The following RB1 variants were observed in gnomAD, a reference collection of about 807,000 sequenced individuals.
RB1 encodes RB transcriptional corepressor 1.
In RB1, 18 loss-of-function variants were observed where a neutral mutation model predicts 135.4. The ratio of observed to expected loss-of-function variants is 0.13; its 90% CI spans 0.09 to 0.20. The LOEUF is 0.20. Among genes scored for constraint, RB1 ranks in the 10% least tolerant of loss-of-function variants. The pLI is 1.00. For synonymous variants in RB1, 365 were observed against 373.2 expected, an observed-to-expected ratio of 0.98 and a Z score of 0.25; for missense variants, 868 against 1,110.0, an observed-to-expected ratio of 0.78 and a Z score of 3.10.
At chr13:48,417,489 CT>C (rs1948932728) in intron 17 of RB1, among the ~76,000 whole-genome samples, 1 of 152,158 alleles carries the variant, frequency 6.6e-6, no homozygotes, top group Non-Finnish European at 1.5e-5. Flanking sequence ...CGCAAAAAGG[CT>C]GACAATTCCA....
In RB1 at chr13:48,481,613, CATT is replaced by C. The variant is rs1412828111; in HGVS notation, c.*1543_*1545del. On this transcript the variant is annotated 3_prime_UTR_variant, in exon 27 of 27. Coordinates refer to ENST00000267163, the MANE Select transcript of RB1 (RefSeq NM_000321.3). ...ACTAGAAAACTTGACTCCATTTCATCATTGTTTCTGCATGAATATCATACAAAT... is the reference window on the plus strand; with the variant it reads ...ACTAGAAAACTTGACTCCATTTCATCGTTTCTGCATGAATATCATACAAAT... 4.3e-6 allele frequency: 1 copy of C among 231,022 alleles called. No homozygotes were observed. The highest frequency in any genetic ancestry group is 2.2e-5 in the African/African-American group (1 of 45,220). 14.3% of individuals were successfully genotyped at this position (231,022 alleles called of 1,614,324 possible).
At chr13:48,477,205 T>G in intron 25 of RB1, 150 bp from the exon 26 acceptor site, 1 of 648,888 alleles carries the variant, frequency 1.5e-6, no homozygotes, top group South Asian at 2.0e-5. Context: ...CATTTATGTT[T>G]TAGATGGTTA....
chr13:48,379,487 G>T, intron 13 of RB1, 107 bp from the exon 14 acceptor site: 3 of 1,425,920 alleles, frequency 2.1e-6, no homozygotes, highest in Non-Finnish European at 1.9e-6. Context: ...GAGTGTGAAG[G>T]CCAGCCTGGG....
In RB1 at chr13:48,332,795, GAT is replaced by G. The variant is rs1238008265; in HGVS notation, c.265-9801_265-9800del. Among the ~76,000 whole-genome samples the G allele has an allele frequency of 2.0e-5, 3 of 152,106 alleles. No homozygotes were observed. The East Asian group carries it at 5.8e-4, about 29-fold the overall frequency. ...CAGTAGTGCCCCCTTATCCTCAGAG[GAT>G]ATGTTCCAAGACCCTCAGTAGATGC... On this transcript the variant is annotated intron_variant, in intron 2 of 26. Coordinates refer to ENST00000267163, the MANE Select transcript of RB1 (RefSeq NM_000321.3).
intron 2 of RB1, chr13:48,317,985 T>C: frequency 2.1e-6 from 1 of 475,008 alleles, no homozygotes; most frequent in Non-Finnish European, 4.0e-6. Context: ...AGTTCGATGC[T>C]CTCGTCACTG....
chr13:48,420,273 C>G (rs1332870423), intron 17 of RB1, among the ~76,000 whole-genome samples: 1 of 152,072 alleles, frequency 6.6e-6, no homozygotes, highest in Non-Finnish European at 1.5e-5. Flanking sequence ...TAAACAGAAC[C>G]AAAGATAAAA....
chr13:48,331,398 G>T (rs1015738522), intron 2 of RB1, among the ~76,000 whole-genome samples: 4 of 152,184 alleles, frequency 2.6e-5, no homozygotes, highest in African/African-American at 9.7e-5. Flanking sequence ...CCTTTAAGAG[G>T]TGATTGAGTC....
intron 2 of RB1, among the ~76,000 whole-genome samples, chr13:48,329,700 C>T (rs1952316473): frequency 6.6e-6 from 1 of 152,066 alleles, no homozygotes; most frequent in African/African-American, 2.4e-5. Context: ...CCATTCTTTC[C>T]TCTATTGTCT....
rs901051109 is a variant in RB1, at chr13:48,367,365, C to T, written c.940-129C>T. On this transcript the variant is annotated intron_variant, in intron 9 of 26. Transcript: ENST00000267163. ...AGATAGACCTTATTTATATTGCATG[C>T]GAACTCAGTGTATATTACAAAATTA... is the stretch of plus-strand genomic sequence containing the variant. The T allele has an allele frequency of 2.9e-5, 28 of 970,476 alleles. 1 individual carries two copies. Among genetic ancestry groups the T allele is most frequent in the South Asian group, 1.5e-4 (9 of 60,682 alleles). 60.1% of individuals were successfully genotyped at this position (970,476 alleles called of 1,614,324 possible). A position where few individuals can be genotyped will look rare whatever the true frequency, so the allele number is the denominator to read the frequency against.
At chr13:48,466,055 C>T (rs1475760970) in intron 23 of RB1, among the ~76,000 whole-genome samples, 2 of 151,106 alleles carry the variant, frequency 1.3e-5, no homozygotes, top group African/African-American at 4.9e-5. Flanking sequence ...TGGAGCCCAC[C>T]ACAGGTCAAG....
At chr13:48,396,990 A>G (rs1451212985) in intron 17 of RB1, among the ~76,000 whole-genome samples, 2 of 152,224 alleles carry the variant, frequency 1.3e-5, no homozygotes, top group Non-Finnish European at 2.9e-5. Flanking sequence ...AAAAGTCAGG[A>G]AACAACAGAT....
rs1363547758 is a variant in RB1 at position 48,430,753 on chromosome 13, C to A, written c.1696-22240C>A. ...AGTCTCCATCTCAAAAACAAAAAAACAAACAAACAAACAAAAAAAAAAAAC... is the reference window on the plus strand; with the variant it reads ...AGTCTCCATCTCAAAAACAAAAAAAAAAACAAACAAACAAAAAAAAAAAAC... On this transcript the variant is annotated intron_variant, in intron 17 of 26. Coordinates refer to ENST00000267163, the MANE Select transcript of RB1 (RefSeq NM_000321.3). Among the ~76,000 whole-genome samples, 10 of 31,340 alleles carry A rather than the reference C, an allele frequency of 3.2e-4. No homozygotes were observed. The Admixed American group carries it at 4.5e-3, about 14-fold the overall frequency. The allele number at this position is 31,340 out of a possible 152,430, so 20.6% of individuals were successfully genotyped here. A position where few individuals can be genotyped will look rare whatever the true frequency, so the allele number is the denominator to read the frequency against.
intron 20 of RB1, among the ~76,000 whole-genome samples, chr13:48,463,181 A>G (rs975612581): frequency 1.3e-5 from 2 of 152,224 alleles, no homozygotes; most frequent in African/African-American, 4.8e-5. Context: ...GAAATGTAAT[A>G]CACATATGTA....
chr13:48,339,254 A>G (rs1276822187), intron 2 of RB1, among the ~76,000 whole-genome samples: 3 of 152,186 alleles, frequency 2.0e-5, no homozygotes, highest in African/African-American at 7.2e-5. Flanking sequence ...TTGTTCGGCT[A>G]TGCCCTGCCC....
Position 48,367,553 on chromosome 13 carries a change from A to C in RB1, c.999A>C (p.Ala333=), listed in dbSNP as rs1254874409. 1.9e-6 allele frequency: 3 copies of C among 1,604,902 alleles called. No homozygotes were observed. In the African/African-American group the frequency reaches 4.0e-5, roughly 21 times the overall value. The change falls in exon 10 of 27, where the codon GCA becomes GCC. Residue 333 remains alanine, a synonymous_variant. Transcript: ENST00000267163. The part of the protein sequence containing the change: ...EIYLKNKDLD[A]RLFLDHDKTL... ...ATCTTAAAAATAAAGATCTAGATGCAAGATTATTTTTGGATCATGATAAAA... is the reference window on the plus strand; with the variant it reads ...ATCTTAAAAATAAAGATCTAGATGCCAGATTATTTTTGGATCATGATAAAA...
intron 12 of RB1, among the ~76,000 whole-genome samples, chr13:48,374,513 G>A (rs1183875887): frequency 2.6e-5 from 4 of 152,178 alleles, no homozygotes; most frequent in African/African-American, 9.6e-5. Flanking sequence ...CCAGGAATTA[G>A]CAAAGTAATT....
At chr13:48,304,178 T>G in intron 1 of RB1, 129 bp downstream of exon 1, 2 of 1,033,840 alleles carry the variant, frequency 1.9e-6, no homozygotes, top group South Asian at 2.9e-5. Context: ...GGAGGCGCCC[T>G]CCCTGCCCCC....
chr13:48,458,988 AT>A (rs1483035082), intron 19 of RB1, among the ~76,000 whole-genome samples: 2 of 152,286 alleles, frequency 1.3e-5, no homozygotes, highest in East Asian at 3.9e-4. Context: ...CAATTATATA[AT>A]TTAAAAAAAT....
At chr13:48,331,054 C>T (rs1952330648) in intron 2 of RB1, among the ~76,000 whole-genome samples, 1 of 152,102 alleles carries the variant, frequency 6.6e-6, no homozygotes, top group South Asian at 2.1e-4. Flanking sequence ...TTAATAGATC[C>T]AGAAAAAGTG....
Sources: allele counts gnomAD v4.1 joint callset (sites outside exome capture counted in the v4.1 genomes callset), GRCh38; gene constraint gnomAD v4.1.1; transcripts MANE v1.5; gene names NCBI Gene and HGNC (gene_info 2026-07-23, HGNC 2026-07-21).